OR51B5: variants seen among roughly 807,000 people sequenced by gnomAD.
OR51B5 encodes olfactory receptor 51B5.
For synonymous variants in OR51B5, 186 were observed against 144.8 expected (o/e 1.28, Z -2.04); for missense variants, 456 against 374.6 (o/e 1.22, Z -1.79).
chr11:5,466,144 G>T (rs1851136127), intron 1 of OR51B5, among the ~76,000 whole-genome samples: 1 of 152,044 alleles, frequency 6.6e-6, no homozygotes, highest in South Asian at 2.1e-4. Context: ...GTGGGCGAAG[G>T]TTGATAATTT....
intron 1 of OR51B5, among the ~76,000 whole-genome samples, chr11:5,384,579 G>A (rs1471305238): frequency 6.6e-6 from 1 of 152,162 alleles, no homozygotes; most frequent in Non-Finnish European, 1.5e-5. Flanking sequence ...CCCCTCCCTG[G>A]ATCATGTCTA....
At chr11:5,471,918 G>A in intron 1 of OR51B5, among the ~76,000 whole-genome samples, 1 of 152,112 alleles carries the variant, frequency 6.6e-6, no homozygotes, top group Non-Finnish European at 1.5e-5. Context: ...TGAATAAATG[G>A]CAACTAGGAA....
At chr11:5,386,049 G>A (rs920941380) in intron 1 of OR51B5, among the ~76,000 whole-genome samples, 1 of 151,810 alleles carries the variant, frequency 6.6e-6, no homozygotes, top group Non-Finnish European at 1.5e-5. Flanking sequence ...AACAGAGAAA[G>A]ATGTACCTAA....
chr11:5,466,611 C>T (rs571392676), intron 1 of OR51B5, among the ~76,000 whole-genome samples: 1 of 152,284 alleles, frequency 6.6e-6, no homozygotes, highest in Non-Finnish European at 1.5e-5. Flanking sequence ...TTTATTTTTG[C>T]TCATAACTGT....
chr11:5,446,620 A>G (rs1045853399), intron 1 of OR51B5, among the ~76,000 whole-genome samples: 4 of 152,222 alleles, frequency 2.6e-5, no homozygotes, highest in Non-Finnish European at 5.9e-5. Flanking sequence ...TGATATTTTT[A>G]TATGACTAAA....
downstream of OR51B5, among the ~76,000 whole-genome samples, chr11:5,342,184 A>G (rs1035187525): frequency 6.6e-6 from 1 of 152,202 alleles, no homozygotes; most frequent in Non-Finnish European, 1.5e-5. Flanking sequence ...TGGAAATTAG[A>G]TTTGACATAG....
chr11:5,388,328 A>T (rs1365000320), intron 1 of OR51B5, among the ~76,000 whole-genome samples: 3 of 151,886 alleles, frequency 2.0e-5, no homozygotes, highest in Admixed American at 2.0e-4. Context: ...CAGGGAAAAT[A>T]TCATGGTAAT....
At chr11:5,360,131 A>G (rs1409313820) in intron 1 of OR51B5, among the ~76,000 whole-genome samples, 3 of 151,828 alleles carry the variant, frequency 2.0e-5, no homozygotes, top group Non-Finnish European at 4.4e-5. Context: ...AACAAAAGCC[A>G]AAATGGACAA....
chr11:5,376,904 C>T lies in OR51B5; in HGVS notation n.85-29994G>A, dbSNP rs181307559. 4.7e-3 allele frequency among the ~76,000 whole-genome samples: 696 copies of T among 149,618 alleles called. 4 individuals are homozygous for T. The highest frequency in any genetic ancestry group is 0.016 in the African/African-American group (641 of 40,504). ...GTACAAGGAGGAATTGGTACCATTC[C>T]TTCTGAAACTATTCCAATCAACAGA... On this transcript the variant is annotated intron_variant and non_coding_transcript_variant, in intron 1 of 4. Transcript: ENST00000415970.
At chr11:5,346,909 A>G (rs575420326), upstream of OR51B5, 2 of 152,272 alleles carry the variant, frequency 1.3e-5, no homozygotes, top group South Asian at 2.1e-4. Flanking sequence ...CCTTCTCAAC[A>G]TCTGTGAAGA....
At chr11:5,470,642 C>A (rs1851215089) in intron 1 of OR51B5, among the ~76,000 whole-genome samples, 1 of 152,162 alleles carries the variant, frequency 6.6e-6, no homozygotes, top group African/African-American at 2.4e-5. Flanking sequence ...CATGTTTTAT[C>A]CTCTTCAAAG....
intron 1 of OR51B5, among the ~76,000 whole-genome samples, chr11:5,495,760 G>A (rs191164231): frequency 6.6e-6 from 1 of 152,118 alleles, no homozygotes; most frequent in Non-Finnish European, 1.5e-5. Flanking sequence ...AAATTAAATA[G>A]ATTACATTCT....
intron 1 of OR51B5, chr11:5,422,566 T>A (rs1163026183): frequency 6.2e-7 from 1 of 1,614,090 alleles, no homozygotes; most frequent in Non-Finnish European, 8.5e-7. Context: ...CTATGTCCGT[T>A]GACTGCTATG....
intron 1 of OR51B5, among the ~76,000 whole-genome samples, chr11:5,479,869 T>C (rs1188302285): frequency 7.1e-6 from 1 of 141,320 alleles, no homozygotes; most frequent in African/African-American, 2.7e-5. Flanking sequence ...AAGCAAGTCC[T>C]GAGTGACCTA....
intron 1 of OR51B5, chr11:5,423,024 A>G (rs1337097314): frequency 1.2e-6 from 2 of 1,614,048 alleles, no homozygotes; most frequent in Non-Finnish European, 1.7e-6. Context: ...CCACTGGTCC[A>G]TGTTATCATG....
chr11:5,425,681 T>C (rs1469792534), intron 1 of OR51B5, among the ~76,000 whole-genome samples: 1 of 152,218 alleles, frequency 6.6e-6, no homozygotes, highest in Non-Finnish European at 1.5e-5. Context: ...TCATATTTTG[T>C]TATAGAAATG....
At chr11:5,358,061 C>T (rs1450214204) in intron 1 of OR51B5, among the ~76,000 whole-genome samples, 1 of 151,594 alleles carries the variant, frequency 6.6e-6, no homozygotes, top group Non-Finnish European at 1.5e-5. Flanking sequence ...AATTGACACC[C>T]TAACATCACA....
chr11:5,468,944 G>A (rs1049652688), intron 1 of OR51B5: 2 of 352,988 alleles, frequency 5.7e-6, no homozygotes, highest in Non-Finnish European at 1.1e-5. Context: ...GAAGGGAAGT[G>A]GGAATACCAT....
intron 1 of OR51B5, among the ~76,000 whole-genome samples, chr11:5,377,470 G>T (rs1050616625): frequency 6.6e-6 from 1 of 152,118 alleles, no homozygotes; most frequent in Non-Finnish European, 1.5e-5. Context: ...GGGCAATTAG[G>T]CAGAAGACAG....
Sources: allele counts gnomAD v4.1 joint callset (sites outside exome capture counted in the v4.1 genomes callset), GRCh38; gene constraint gnomAD v4.1.1; transcripts MANE v1.5; gene names NCBI Gene and HGNC (gene_info 2026-07-23, HGNC 2026-07-21).